The following IGF1R variants were observed in gnomAD, a reference collection of about 807,000 sequenced individuals.
The protein encoded by IGF1R is insulin-like growth factor 1 receptor.
A neutral mutation model predicts 144.6 loss-of-function variants in IGF1R; 44 were observed. The ratio of observed to expected loss-of-function variants is 0.30; its 90% CI spans 0.24 to 0.39. The LOEUF (loss-of-function observed/expected upper bound fraction) is 0.39. IGF1R is among the 10% of genes least tolerant of loss of function. The pLI is 1.00. For synonymous variants in IGF1R, 795 were observed against 722.8 expected, an observed-to-expected ratio of 1.10 and a Z score of -1.60; for missense variants, 1,355 against 1,833.7, an observed-to-expected ratio of 0.74 and a Z score of 4.77.
chr15:98,880,121 A>G (rs557858202), intron 2 of IGF1R, among the ~76,000 whole-genome samples: 4 of 152,218 alleles, frequency 2.6e-5, no homozygotes, highest in Non-Finnish European at 5.9e-5. Flanking sequence ...GTTATAGGGT[A>G]TGTGAATTAG....
intron 2 of IGF1R, among the ~76,000 whole-genome samples, chr15:98,756,665 T>C (rs2055164202): frequency 6.6e-6 from 1 of 152,148 alleles, no homozygotes; most frequent in African/African-American, 2.4e-5. Flanking sequence ...TTTATTCACT[T>C]TTTCCATTCC....
intron 2 of IGF1R, among the ~76,000 whole-genome samples, chr15:98,879,110 A>G (rs2013238161): frequency 6.6e-6 from 1 of 152,202 alleles, no homozygotes; most frequent in African/African-American, 2.4e-5. Flanking sequence ...GGGCCGGTCC[A>G]GCCTGGATTT....
chr15:98,892,845 C>G (rs1021178133), intron 3 of IGF1R, among the ~76,000 whole-genome samples: 2 of 152,032 alleles, frequency 1.3e-5, no homozygotes, highest in Non-Finnish European at 2.9e-5. Flanking sequence ...CAAACCCCAT[C>G]TGTACAAAAG....
intron 1 of IGF1R, among the ~76,000 whole-genome samples, chr15:98,689,374 G>T (rs1450563665): frequency 6.6e-6 from 1 of 151,834 alleles, no homozygotes; most frequent in Non-Finnish European, 1.5e-5. Flanking sequence ...AAGTAGCTGG[G>T]ATTACAGGTG....
At chr15:98,833,072 A>G (rs1366107427) in intron 2 of IGF1R, among the ~76,000 whole-genome samples, 1 of 152,178 alleles carries the variant, frequency 6.6e-6, no homozygotes, top group Non-Finnish European at 1.5e-5. Flanking sequence ...CCTAGACTTA[A>G]AACTGTGAAG....
At chr15:98,952,856 CCTTCTAAGAAAATGTTTT>C (rs1354688790) in intron 20 of IGF1R, 1 of 152,096 alleles carries the variant, frequency 6.6e-6, no homozygotes, top group Admixed American at 6.5e-5. Context: ...AATTTTTCTC[CCTTCTAAGAAAATGTTTT>C]CTCCTGAGAA....
At chr15:98,882,057 A>C (rs944313674) in intron 2 of IGF1R, among the ~76,000 whole-genome samples, 2 of 152,234 alleles carry the variant, frequency 1.3e-5, no homozygotes, top group African/African-American at 4.8e-5. Context: ...AGTTATTCTT[A>C]AGATCACACA....
Position 98,811,241 on chromosome 15 carries a change from C to T in IGF1R, c.641-80084C>T, listed in dbSNP as rs544168065. 6.6e-5 allele frequency among the ~76,000 whole-genome samples: 10 copies of T among 151,922 alleles called. No individual in the cohort carries two copies. The South Asian group carries it at 1.9e-3, about 28-fold the overall frequency. ...ACTTGAACCCAGGAGTTGGAGGTTG[C>T]GGTGAGCCATGGCTCATGCATGTAA... On this transcript the variant is annotated intron_variant, in intron 2 of 20. Transcript: ENST00000650285.
At chr15:98,930,017 A>G (rs1048466103) in intron 14 of IGF1R, among the ~76,000 whole-genome samples, 2 of 152,214 alleles carry the variant, frequency 1.3e-5, no homozygotes, top group African/African-American at 2.4e-5. Flanking sequence ...ATCTCAGGCT[A>G]CTGAGGAAGC....
chr15:98,681,816 G>A (rs2053196983), intron 1 of IGF1R, among the ~76,000 whole-genome samples: 1 of 152,130 alleles, frequency 6.6e-6, no homozygotes, highest in Non-Finnish European at 1.5e-5. Flanking sequence ...TTGAATTTAG[G>A]GTCTGTCCCT....
At chr15:98,700,007 C>T (rs1005898110) in intron 1 of IGF1R, among the ~76,000 whole-genome samples, 12 of 152,172 alleles carry the variant, frequency 7.9e-5, no homozygotes, top group Admixed American at 7.2e-4. Flanking sequence ...CTGATTGACA[C>T]GTGAAGATAA....
chr15:98,663,485 A>G (rs2052648447), intron 1 of IGF1R, among the ~76,000 whole-genome samples: 1 of 152,240 alleles, frequency 6.6e-6, no homozygotes, highest in Non-Finnish European at 1.5e-5. Flanking sequence ...TAGGGGCATC[A>G]TGGATACCTG....
intron 2 of IGF1R, among the ~76,000 whole-genome samples, chr15:98,731,507 T>C (rs1248701831): frequency 1.3e-5 from 2 of 152,244 alleles, no homozygotes; most frequent in Non-Finnish European, 2.9e-5. Flanking sequence ...AGGTGAATCG[T>C]CGTTGATAAC....
At chr15:98,880,992 TTTC>T (rs2013342774) in intron 2 of IGF1R, 1 of 152,210 alleles carries the variant, frequency 6.6e-6, no homozygotes, top group South Asian at 2.1e-4. Flanking sequence ...GAGAGTGTAT[TTTC>T]TTCATCAATT....
Position 98,772,361 on chromosome 15 carries a change from C to T in IGF1R, c.640+64254C>T, listed in dbSNP as rs1214279831. Among the ~76,000 whole-genome samples the T allele has an allele frequency of 4.0e-5, 6 of 151,712 alleles. No homozygotes were observed. The East Asian group carries it at 5.8e-4, about 15-fold the overall frequency. On this transcript the variant is annotated intron_variant, in intron 2 of 20. Coordinates refer to ENST00000650285, the MANE Select transcript of IGF1R (RefSeq NM_000875.5). ...TACTGTTGTTTTCAAATTGAGTTCT[C>T]ATAGTGTGGTCGGCTCTGTTCTATG...
At chr15:98,662,678 G>C (rs540350040) in intron 1 of IGF1R, among the ~76,000 whole-genome samples, 4 of 152,296 alleles carry the variant, frequency 2.6e-5, no homozygotes, top group African/African-American at 4.8e-5. Context: ...TGACCGGAGA[G>C]AAGTATGTGG....
chr15:98,727,458 A>C (rs2054387711), intron 2 of IGF1R, among the ~76,000 whole-genome samples: 1 of 152,168 alleles, frequency 6.6e-6, no homozygotes, highest in Non-Finnish European at 1.5e-5. Flanking sequence ...CTTTGGGCAA[A>C]CAACCGACTT....
chr15:98,850,550 G>A (rs1016429617), intron 2 of IGF1R, among the ~76,000 whole-genome samples: 1 of 152,256 alleles, frequency 6.6e-6, no homozygotes, highest in Non-Finnish European at 1.5e-5. Context: ...CCTCTCTGAG[G>A]TGCTCTGGGA....
intron 2 of IGF1R, among the ~76,000 whole-genome samples, chr15:98,712,049 A>G (rs183216847): frequency 1.1e-4 from 17 of 152,286 alleles, no homozygotes; most frequent in African/African-American, 2.9e-4. Flanking sequence ...CAGAGCCATC[A>G]TACTGGGGAT....
Sources: gnomAD v4.1 joint callset for allele counts (sites outside exome capture counted in the v4.1 genomes callset) on GRCh38, gnomAD v4.1.1 for gene constraint, MANE v1.5 for transcripts, NCBI Gene and HGNC (gene_info 2026-07-23, HGNC 2026-07-21) for gene names.